Variants in CDH18 observed in about 807,000 individuals in gnomAD.
CDH18 encodes cadherin 18.
CDH18 carries 31 observed loss-of-function variants against 67.9 expected under a neutral mutation model. That is an observed-to-expected ratio of 0.46 (90% confidence interval 0.34 to 0.62). The LOEUF (loss-of-function observed/expected upper bound fraction) is 0.62, where lower values mean the gene tolerates loss of function less well. CDH18 is among the 20% of genes least tolerant of loss of function. The pLI, the probability that CDH18 is intolerant of heterozygous loss-of-function variation, is 0.01. For missense variants in CDH18, 890 were observed against 975.5 expected (o/e 0.91, Z 1.17); for synonymous variants, 362 against 347.2 (o/e 1.04, Z -0.48).
intron 1 of CDH18, among the ~76,000 whole-genome samples, chr5:20,496,105 A>C (rs1263355295): frequency 1.3e-5 from 2 of 152,276 alleles, no homozygotes; most frequent in East Asian, 3.9e-4. Flanking sequence ...CTGTGATGAA[A>C]TAGATAGGCA....
intron 1 of CDH18, among the ~76,000 whole-genome samples, chr5:20,483,287 AG>A (rs1752942351): frequency 6.6e-6 from 1 of 152,094 alleles, no homozygotes; most frequent in Non-Finnish European, 1.5e-5. Flanking sequence ...AAAAAGAAAA[AG>A]ATATTCCATA....
At chr5:19,921,782 A>G (rs1792509757) in intron 2 of CDH18, among the ~76,000 whole-genome samples, 1 of 152,180 alleles carries the variant, frequency 6.6e-6, no homozygotes, top group South Asian at 2.1e-4. Context: ...ATAAATTAGT[A>G]AAGATAATTT....
intron 1 of CDH18, among the ~76,000 whole-genome samples, chr5:19,987,253 A>AACAC (rs10654722): frequency 0.039 from 5,587 of 144,382 alleles, 227 homozygotes; most frequent in African/African-American, 0.091. Context: ...CTGTACAGAC[A>AACAC]ACACACACAC....
intron 2 of CDH18, among the ~76,000 whole-genome samples, chr5:19,848,596 T>C (rs1368686442): frequency 6.6e-6 from 1 of 151,988 alleles, no homozygotes; most frequent in East Asian, 1.9e-4. Flanking sequence ...CTAATTGAAA[T>C]AGGAAGACAC....
intron 2 of CDH18, among the ~76,000 whole-genome samples, chr5:20,122,634 A>C (rs2126423890): frequency 6.6e-6 from 1 of 151,952 alleles, no homozygotes; most frequent in Admixed American, 6.6e-5. Flanking sequence ...TACTCAACTT[A>C]TTCCCATTAA....
At chr5:20,485,038 T>C (rs1229142736) in intron 1 of CDH18, among the ~76,000 whole-genome samples, 1 of 152,148 alleles carries the variant, frequency 6.6e-6, no homozygotes, top group Non-Finnish European at 1.5e-5. Flanking sequence ...TTGAATGTTG[T>C]CAATGGTAGA....
intron 2 of CDH18, among the ~76,000 whole-genome samples, chr5:20,008,866 C>T (rs975757846): frequency 3.9e-5 from 6 of 152,034 alleles, no homozygotes; most frequent in Admixed American, 6.5e-5. Flanking sequence ...AAAGTTGTTA[C>T]AGCGATACAT....
intron 3 of CDH18, among the ~76,000 whole-genome samples, chr5:19,752,207 G>A (rs1770938067): frequency 6.6e-6 from 1 of 152,150 alleles, no homozygotes; most frequent in African/African-American, 2.4e-5. Flanking sequence ...TGCAAATCCT[G>A]TGTGTAGACT....
rs11958527 is a variant in CDH18, at chr5:19,737,129, C to A, written c.523+9813G>T. ...CTTCTCTCTGCGTGATGTGCCCTCACCTTCTACCTTCACAGTGTTTTTTTT... is the reference window on the plus strand; with the variant it reads ...CTTCTCTCTGCGTGATGTGCCCTCAACTTCTACCTTCACAGTGTTTTTTTT... On this transcript the variant is annotated intron_variant, in intron 4 of 12. Coordinates refer to ENST00000382275, the MANE Select transcript of CDH18 (RefSeq NM_004934.5). Among the ~76,000 whole-genome samples, 1,014 of 152,186 alleles carry A rather than the reference C, an allele frequency of 6.7e-3. 10 individuals are homozygous for A. Among genetic ancestry groups the A allele is most frequent in the African/African-American group, 0.023 (951 of 41,512 alleles).
At chr5:20,180,563 G>A (rs974565867) in intron 2 of CDH18, among the ~76,000 whole-genome samples, 8 of 152,016 alleles carry the variant, frequency 5.3e-5, no homozygotes, top group South Asian at 4.1e-4. Context: ...CAAATGTACC[G>A]TACTTCTACA....
chr5:19,725,671 A>C (rs2150600278), intron 4 of CDH18, among the ~76,000 whole-genome samples: 1 of 152,288 alleles, frequency 6.6e-6, no homozygotes, highest in African/African-American at 2.4e-5. Context: ...TGGGAGGCTG[A>C]GGCAGGAGAA....
At chr5:20,569,438 T>C (rs1417687237) in intron 1 of CDH18, among the ~76,000 whole-genome samples, 1 of 152,162 alleles carries the variant, frequency 6.6e-6, no homozygotes, top group East Asian at 1.9e-4. Flanking sequence ...CTGGCCAATA[T>C]GGGGAAACCC....
chr5:19,605,406 T>C (rs571689450), intron 6 of CDH18, among the ~76,000 whole-genome samples: 2 of 152,040 alleles, frequency 1.3e-5, no homozygotes, highest in African/African-American at 4.8e-5. Context: ...GAAGGCTAAA[T>C]GAAAATAAAA....
intron 12 of CDH18, among the ~76,000 whole-genome samples, chr5:19,474,445 C>T (rs1001018422): frequency 1.3e-5 from 2 of 151,984 alleles, no homozygotes; most frequent in African/African-American, 4.8e-5. Flanking sequence ...CCCATTTATG[C>T]CTGAGGTTGC....
In CDH18 at chr5:20,569,418, C is replaced by T. The variant is rs187431925; in HGVS notation, c.-580+6044G>A. On this transcript the variant is annotated intron_variant, in intron 1 of 14. Coordinates refer to the CDH18 transcript ENST00000507958. ...CGGGCGGATCATGAGGTCAAGAGTT[C>T]GAGACCAGCCTGGCCAATATGGGGA... is the stretch of plus-strand genomic sequence containing the variant. 1.4e-3 allele frequency among the ~76,000 whole-genome samples: 213 copies of T among 152,142 alleles called. 1 individual carries two copies. The highest frequency in any genetic ancestry group is 0.013 in the Admixed American group (202 of 15,272).
intron 2 of CDH18, among the ~76,000 whole-genome samples, chr5:20,244,396 C>T (rs866994732): frequency 2.0e-5 from 3 of 152,062 alleles, no homozygotes; most frequent in Non-Finnish European, 4.4e-5. Flanking sequence ...GATGAGAATT[C>T]GTTGCCATCG....
intron 1 of CDH18, among the ~76,000 whole-genome samples, chr5:20,488,069 GA>G: frequency 6.6e-6 from 1 of 151,914 alleles, no homozygotes; most frequent in East Asian, 1.9e-4. Context: ...TTGCAGTTCT[GA>G]AAATGTCATA....
intron 2 of CDH18, among the ~76,000 whole-genome samples, chr5:19,845,021 C>G (rs1350718133): frequency 2.0e-5 from 3 of 152,040 alleles, no homozygotes; most frequent in Admixed American, 2.0e-4. Flanking sequence ...AAACCACTAG[C>G]CCTTACTAAG....
intron 2 of CDH18, among the ~76,000 whole-genome samples, chr5:19,993,422 G>A (rs1032234422): frequency 6.6e-6 from 1 of 152,042 alleles, no homozygotes; most frequent in Non-Finnish European, 1.5e-5. Flanking sequence ...CAAAAATATT[G>A]AGAACTTATT....
Sources: allele counts gnomAD v4.1 joint callset (sites outside exome capture counted in the v4.1 genomes callset), GRCh38; gene constraint gnomAD v4.1.1; transcripts MANE v1.5; gene names NCBI Gene and HGNC (gene_info 2026-07-23, HGNC 2026-07-21).